RPL26L1: variants seen among roughly 807,000 people sequenced by gnomAD.
RPL26L1 encodes ribosomal protein L26 like 1.
RPL26L1 carries 8 observed loss-of-function variants against 15.2 expected under a neutral mutation model. That is an observed-to-expected ratio of 0.53 (90% CI 0.31 to 0.95). RPL26L1 has a LOEUF of 0.95. RPL26L1 is among the 40% of genes least tolerant of loss of function. The pLI, the probability that RPL26L1 is intolerant of heterozygous loss-of-function variation, is 0.05. For missense variants in RPL26L1, 146 were observed against 190.9 expected (o/e 0.76, Z 1.39); for synonymous variants, 51 against 65.9 (o/e 0.77, Z 1.09).
upstream of RPL26L1, among the ~76,000 whole-genome samples, chr5:172,956,794 C>T (rs1276287851): frequency 6.6e-6 from 1 of 151,930 alleles, no homozygotes; most frequent in Non-Finnish European, 1.5e-5. Context: ...AAAAATTAGC[C>T]AGGCGTGGTG....
intron 2 of RPL26L1, among the ~76,000 whole-genome samples, chr5:172,968,168 CAT>C (rs1429429104): frequency 6.6e-6 from 1 of 151,978 alleles, no homozygotes; most frequent in African/African-American, 2.4e-5. Context: ...GGATACTTGA[CAT>C]ATATATGTAT....
chr5:172,959,984 G>C lies in RPL26L1; in HGVS notation c.111G>C (p.Glu37Asp). 6.2e-7 allele frequency: 1 copy of C among 1,614,216 alleles called. No individual in the cohort carries two copies. Among genetic ancestry groups the C allele is most frequent in the Non-Finnish European group, 8.5e-7 (1 of 1,180,048 alleles). Residue 37 changes from glutamate to aspartate, a missense_variant, in exon 2 of 4, where the codon GAG becomes GAC. Physicochemically the swap from Glu to Asp is conservative, Grantham distance 45. Transcript: ENST00000265100. ...TCATGTCATCCCCGCTCTCCAAGGAGCTGCGGCAGAAGTACAATGTCCGCT... is the reference window on the plus strand; with the variant it reads ...TCATGTCATCCCCGCTCTCCAAGGACCTGCGGCAGAAGTACAATGTCCGCT... ...RKIMSSPLSK[E>D]LRQKYNVRSM...
rs937932407 is a variant in RPL26L1 at position 172,959,479 on chromosome 5, G to T, written c.-10+11G>T. On this transcript the variant is annotated intron_variant, in intron 1 of 3. Coordinates refer to ENST00000265100, the MANE Select transcript of RPL26L1 (RefSeq NM_016093.4). ...GCAGCTAGTAGCCGGGTGAGTGGAGGCTGGAGTTTTCTCGGACAGTGAACT... is the reference window on the plus strand; with the variant it reads ...GCAGCTAGTAGCCGGGTGAGTGGAGTCTGGAGTTTTCTCGGACAGTGAACT... 35 of 1,024,528 alleles carry T rather than the reference G, an allele frequency of 3.4e-5. No individual in the cohort carries two copies. Among genetic ancestry groups the T allele is most frequent in the Non-Finnish European group, 3.6e-5 (31 of 850,134 alleles). The allele number at this position is 1,024,528 out of a possible 1,614,324, so 63.5% of individuals were successfully genotyped here. A position where few individuals can be genotyped will look rare whatever the true frequency, so the allele number is the denominator to read the frequency against.
upstream of RPL26L1, among the ~76,000 whole-genome samples, chr5:172,956,333 C>T (rs980104329): frequency 8.5e-5 from 13 of 152,228 alleles, no homozygotes; most frequent in Admixed American, 3.3e-4. Context: ...TTAATAAATA[C>T]GGATCGCATT....
intron 2 of RPL26L1, among the ~76,000 whole-genome samples, chr5:172,966,571 C>A (rs1221422565): frequency 6.6e-6 from 1 of 151,880 alleles, no homozygotes; most frequent in African/African-American, 2.4e-5. Context: ...TGAGACCAGC[C>A]TGGGCAGCAT....
intron 2 of RPL26L1, 23 bp from the exon 3 acceptor site, chr5:172,968,436 T>C: frequency 6.2e-7 from 1 of 1,611,312 alleles, no homozygotes; most frequent in Non-Finnish European, 8.5e-7. Flanking sequence ...TGGAGGGGGA[T>C]TCTCTTTTGT....
rs527660431 is a variant in RPL26L1 at position 172,968,268 on chromosome 5, A to G, written c.169-191A>G. ...CATATCGCACATTTCTGTGGGATCC[A>G]GGTAAAAAATCTCCACCCAACCATA... On this transcript the variant is annotated intron_variant, in intron 2 of 3. Coordinates refer to ENST00000265100, the MANE Select transcript of RPL26L1 (RefSeq NM_016093.4). Among the ~76,000 whole-genome samples the G allele has an allele frequency of 3.3e-5, 5 of 152,212 alleles. No individual in the cohort carries two copies. In the South Asian group the frequency reaches 8.3e-4, roughly 25 times the overall value.
intron 2 of RPL26L1, among the ~76,000 whole-genome samples, chr5:172,965,611 T>C (rs909197464): frequency 5.3e-5 from 8 of 152,200 alleles, no homozygotes; most frequent in African/African-American, 1.7e-4. Flanking sequence ...ATCCTCTGTG[T>C]TCTTGACAGT....
chr5:172,961,567 TC>T (rs1755235541), intron 2 of RPL26L1, among the ~76,000 whole-genome samples: 1 of 152,190 alleles, frequency 6.6e-6, no homozygotes, highest in Non-Finnish European at 1.5e-5. Context: ...TGTCTACACT[TC>T]CTCATCTCCC....
At chr5:172,958,472 A>G (rs1188058636), upstream of RPL26L1, 1 of 455,748 alleles carries the variant, frequency 2.2e-6, no homozygotes, top group Non-Finnish European at 4.4e-6. Flanking sequence ...GGAATGAATG[A>G]ACGAAAGGGA....
rs1433762619 is a variant in RPL26L1 at position 172,969,312 on chromosome 5, A to C, written c.310-101A>C. 7.9e-6 allele frequency: 10 copies of C among 1,269,582 alleles called. No individual in the cohort carries two copies. The East Asian group carries it at 2.4e-4, about 30-fold the overall frequency. 78.6% of individuals were successfully genotyped at this position (1,269,582 alleles called of 1,614,324 possible). ...TTTCCTTCCAGAGTTTCAGTTCCTT[A>C]AAAGCTGAATGGCTGAGGTCTTACT... On this transcript the variant is annotated intron_variant, in intron 3 of 3. Transcript: ENST00000265100.
upstream of RPL26L1, chr5:172,959,348 T>TG (rs913234598): frequency 2.8e-4 from 276 of 1,001,780 alleles, no homozygotes; most frequent in African/African-American, 2.3e-3. Context: ...CCCAAGCCGC[T>TG]GGGGGCGCCA....
At position 172,959,468 on chromosome 5, in the gene RPL26L1, G is replaced by T; in HGVS notation, c.-10G>T. On this transcript the variant is annotated splice_region_variant and 5_prime_UTR_variant, in exon 1 of 4. Transcript: ENST00000265100. Reference sequence around the variant, plus strand: ...CAGGGTCTGAGGCAGCTAGTAGCCGGGTGAGTGGAGGCTGGAGTTTTCTCG... The same window carrying T: ...CAGGGTCTGAGGCAGCTAGTAGCCGTGTGAGTGGAGGCTGGAGTTTTCTCG... 1 of 1,018,672 alleles carries T rather than the reference G, an allele frequency of 9.8e-7. No homozygotes were observed. Among genetic ancestry groups the T allele is most frequent in the Non-Finnish European group, 1.2e-6 (1 of 846,810 alleles). 63.1% of individuals were successfully genotyped at this position (1,018,672 alleles called of 1,614,324 possible).
chr5:172,954,486 G>C (rs538497598), upstream of RPL26L1, among the ~76,000 whole-genome samples: 3 of 151,624 alleles, frequency 2.0e-5, no homozygotes, highest in South Asian at 6.3e-4. Flanking sequence ...GGGGCGGCGG[G>C]GGGGAAGTGG....
chr5:172,955,531 G>A (rs1294841563), upstream of RPL26L1: 1 of 154,450 alleles, frequency 6.5e-6, no homozygotes, highest in Non-Finnish European at 1.4e-5. Context: ...TAAGAAACTG[G>A]TCCTTTATTC....
At chr5:172,958,057 G>T (rs1261672254), upstream of RPL26L1, 2 of 251,068 alleles carry the variant, frequency 8.0e-6, no homozygotes, top group East Asian at 1.9e-4. Context: ...CTGAGGTCGG[G>T]AGTTCAAGAC....
intron 2 of RPL26L1, among the ~76,000 whole-genome samples, chr5:172,967,461 G>A (rs1012621230): frequency 2.7e-5 from 4 of 149,124 alleles, no homozygotes; most frequent in African/African-American, 9.8e-5. Flanking sequence ...GCGAGACTCC[G>A]TGTCAAAAAT....
chr5:172,968,869 G>A (rs894585392), intron 3 of RPL26L1, among the ~76,000 whole-genome samples: 5 of 136,942 alleles, frequency 3.7e-5, no homozygotes, highest in Admixed American at 8.1e-5. Context: ...GTGCTGTGGT[G>A]CGATCTCGGC....
intron 1 of RPL26L1, 134 bp downstream of exon 1, chr5:172,959,602 C>A (rs1561754427): frequency 1.6e-6 from 2 of 1,244,154 alleles, no homozygotes; most frequent in Non-Finnish European, 1.0e-6. Context: ...CCTGCCTAAC[C>A]CTAGCATTCC....
Sources: gnomAD v4.1 joint callset for allele counts (sites outside exome capture counted in the v4.1 genomes callset) on GRCh38, gnomAD v4.1.1 for gene constraint, MANE v1.5 for transcripts, NCBI Gene and HGNC (gene_info 2026-07-23, HGNC 2026-07-21) for gene names.